Variants in NEXN observed in about 807,000 individuals in gnomAD.
NEXN encodes the protein nexilin.
Under a neutral mutation model 92.6 loss-of-function variants are expected in NEXN, and 65 were observed. The observed-to-expected ratio is 0.70, with a 90% CI of 0.57 to 0.86. NEXN has a LOEUF of 0.86. Ranked by LOEUF, NEXN falls within the 40% of genes least tolerant of loss-of-function variation. NEXN has a pLI of 0.00. For missense variants in NEXN, 778 were observed against 771.1 expected (o/e 1.01, Z -0.11); for synonymous variants, 254 against 242.5 (o/e 1.05, Z -0.44).
chr1:77,929,844 A>C (rs992485843), intron 9 of NEXN, among the ~76,000 whole-genome samples: 1 of 152,130 alleles, frequency 6.6e-6, no homozygotes, highest in African/African-American at 2.4e-5. Flanking sequence ...CTTCCTCTCC[A>C]TTCTTTCGCC....
chr1:77,894,361 A>G (rs908520306), intron 1 of NEXN, among the ~76,000 whole-genome samples: 39 of 152,264 alleles, frequency 2.6e-4, no homozygotes, highest in South Asian at 8.3e-4. Flanking sequence ...TTGAATTGCA[A>G]TGAGGTTTAT....
chr1:77,931,299 A>G (rs1215571633), intron 9 of NEXN, among the ~76,000 whole-genome samples: 3 of 150,262 alleles, frequency 2.0e-5, no homozygotes, highest in South Asian at 2.1e-4. Context: ...CTGTAGTCCC[A>G]GCTACTCAGA....
intron 5 of NEXN, among the ~76,000 whole-genome samples, chr1:77,919,727 G>A (rs1042253455): frequency 6.6e-6 from 1 of 151,870 alleles, no homozygotes; most frequent in Non-Finnish European, 1.5e-5. Context: ...AACCTCCTGA[G>A]TAGCAGGGAT....
At chr1:77,917,458 T>C in intron 2 of NEXN, 108 bp from the exon 3 acceptor site, 1 of 849,160 alleles carries the variant, frequency 1.2e-6, no homozygotes, top group Non-Finnish European at 1.9e-6. Context: ...ACATTTCTAT[T>C]TTCTGTTTCA....
intron 11 of NEXN, 33 bp from the exon 12 acceptor site, chr1:77,941,990 A>G: frequency 6.2e-7 from 1 of 1,601,708 alleles, no homozygotes. Context: ...TTAGAAGGCA[A>G]GCAATTGTTA....
chr1:77,903,830 T>G (rs1647903416), intron 1 of NEXN, among the ~76,000 whole-genome samples: 1 of 151,902 alleles, frequency 6.6e-6, no homozygotes, highest in Non-Finnish European at 1.5e-5. Flanking sequence ...GAGGCTGAGG[T>G]GGGAGGATTG....
At chr1:77,891,789 C>T in intron 1 of NEXN, among the ~76,000 whole-genome samples, 1 of 148,378 alleles carries the variant, frequency 6.7e-6, no homozygotes, top group East Asian at 2.0e-4. Flanking sequence ...AAAAAAGACA[C>T]TTTTGGGGCT....
At chr1:77,942,370 T>A in intron 12 of NEXN, 91 bp from the exon 13 acceptor site, 3 of 1,267,542 alleles carry the variant, frequency 2.4e-6, no homozygotes, top group South Asian at 2.7e-5. Context: ...GTTCTTTACT[T>A]AAAAAAAAAA....
chr1:77,896,170 C>CAATAAATAAATAAATA (rs60137071), intron 1 of NEXN, among the ~76,000 whole-genome samples: 51,891 of 143,934 alleles, frequency 0.36, 9,947 homozygotes, highest in Non-Finnish European at 0.4. Flanking sequence ...GACTTTGTCT[C>CAATAAATAAATAAATA]AATAAATAAA....
At chr1:77,890,004 T>C (rs1022759385) in intron 1 of NEXN, among the ~76,000 whole-genome samples, 5 of 152,202 alleles carry the variant, frequency 3.3e-5, no homozygotes, top group Non-Finnish European at 7.4e-5. Flanking sequence ...CCTTTACAGG[T>C]TAAACTGCTG....
At chr1:77,909,884 G>A (rs890606931) in intron 1 of NEXN, among the ~76,000 whole-genome samples, 4 of 151,906 alleles carry the variant, frequency 2.6e-5, no homozygotes, top group South Asian at 4.1e-4. Flanking sequence ...TAATAAAAGC[G>A]GACATCACAA....
chr1:77,926,398 C>G lies in NEXN; in HGVS notation c.490-16C>G, dbSNP rs1169508768. 6.4e-7 allele frequency: 1 copy of G among 1,555,122 alleles called. No homozygotes were observed. Among genetic ancestry groups the G allele is most frequent in the South Asian group, 1.2e-5 (1 of 86,702 alleles). On this transcript the variant is annotated splice_polypyrimidine_tract_variant and intron_variant, in intron 6 of 12. Transcript: ENST00000334785. Reference sequence around the variant, plus strand: ...GATTAAGAAGAAATAGGCTAATTATCTATTTTATAAAATAGGAAGGAGATG... The same window carrying G: ...GATTAAGAAGAAATAGGCTAATTATGTATTTTATAAAATAGGAAGGAGATG...
chr1:77,902,040 T>A (rs1647757379), intron 1 of NEXN, among the ~76,000 whole-genome samples: 1 of 152,228 alleles, frequency 6.6e-6, no homozygotes, highest in African/African-American at 2.4e-5. Context: ...ACAGATATTT[T>A]ATCCTATTCG....
chr1:77,922,709 T>C (rs1649527744), intron 5 of NEXN, among the ~76,000 whole-genome samples: 1 of 151,874 alleles, frequency 6.6e-6, no homozygotes, highest in Admixed American at 6.6e-5. Flanking sequence ...GCCATTCTCC[T>C]GCCTCAGCCT....
intron 1 of NEXN, among the ~76,000 whole-genome samples, chr1:77,901,579 G>T (rs1647715216): frequency 6.6e-6 from 1 of 152,128 alleles, no homozygotes; most frequent in African/African-American, 2.4e-5. Flanking sequence ...ACTTGCCGGG[G>T]ATCTTAGATA....
intron 1 of NEXN, among the ~76,000 whole-genome samples, chr1:77,909,467 TTTAGA>T (rs1648393330): frequency 6.6e-6 from 1 of 152,222 alleles, no homozygotes; most frequent in Non-Finnish European, 1.5e-5. Flanking sequence ...AACAGGTAAC[TTTAGA>T]TATGATATAA....
chr1:77,939,637 C>T (rs1474879897), intron 11 of NEXN, among the ~76,000 whole-genome samples: 1 of 152,166 alleles, frequency 6.6e-6, no homozygotes, highest in Non-Finnish European at 1.5e-5. Flanking sequence ...TACTGGCTCT[C>T]TAGTATACAT....
At chr1:77,914,771 C>T (rs1648834190) in intron 1 of NEXN, among the ~76,000 whole-genome samples, 2 of 151,090 alleles carry the variant, frequency 1.3e-5, no homozygotes, top group South Asian at 2.1e-4. Flanking sequence ...GCAGGAGAAT[C>T]GCTTGAAACT....
At chr1:77,894,784 C>T (rs191859287) in intron 1 of NEXN, among the ~76,000 whole-genome samples, 7 of 152,040 alleles carry the variant, frequency 4.6e-5, no homozygotes, top group Non-Finnish European at 8.8e-5. Flanking sequence ...GGCCTGATCC[C>T]GGCTAACTGC....
Sources: gnomAD v4.1 joint callset for allele counts (sites outside exome capture counted in the v4.1 genomes callset) on GRCh38, gnomAD v4.1.1 for gene constraint, MANE v1.5 for transcripts, NCBI Gene and HGNC (gene_info 2026-07-23, HGNC 2026-07-21) for gene names.